Variants in POLH observed in about 807,000 individuals in gnomAD.
The protein encoded by POLH is DNA polymerase eta, also known as DNA polymerase eta transcript.
POLH carries 53 observed loss-of-function variants against 73.6 expected under a neutral mutation model. That is an observed-to-expected ratio of 0.72 (90% CI 0.58 to 0.91). POLH has a LOEUF of 0.91. Among genes scored for constraint, POLH ranks in the 40% least tolerant of loss-of-function variants. POLH has a pLI of 0.00. For missense variants in POLH, 768 were observed against 865.4 expected (o/e 0.89, Z 1.41); for synonymous variants, 292 against 308.5 (o/e 0.95, Z 0.56).
Position 43,614,360 on chromosome 6 carries a change from G to A in POLH, c.1945G>A (p.Glu649Lys). The A allele has an allele frequency of 6.2e-7, 1 of 1,613,450 alleles. No homozygotes were observed. The highest frequency in any genetic ancestry group is 8.5e-7 in the Non-Finnish European group (1 of 1,179,398). ...GSLVPVWDMP[E>K]HMDYHFALEL... is the part of the protein sequence containing the mutation. ...CCTGGTACCGGTATGGGATATGCCA[G>A]AACACATGGACTATCATTTTGCATT... The change falls in exon 11 of 11, where the codon GAA becomes AAA. Residue 649 changes from glutamate to lysine, a missense_variant. Coordinates refer to ENST00000372236, the MANE Select transcript of POLH (RefSeq NM_006502.3).
chr6:43,580,851 G>T (rs1327699093), intron 1 of POLH, among the ~76,000 whole-genome samples: 4 of 142,870 alleles, frequency 2.8e-5, no homozygotes, highest in Non-Finnish European at 4.6e-5. Flanking sequence ...GGGCAGAGGC[G>T]CCCCTCACCT....
rs760976760 is a variant in POLH at position 43,613,755 on chromosome 6, A to G, written c.1340A>G (p.Asp447Gly). The change falls in exon 11 of 11, where the codon GAC becomes GGC. Residue 447 changes from aspartate to glycine, a missense_variant. Transcript: ENST00000372236. Reference sequence around the variant, plus strand: ...GACATCACCAGCTTCTTGAGCAGTGACCCAAGTTCTCTGCCAAAGGTGCCA... The same window carrying G: ...GACATCACCAGCTTCTTGAGCAGTGGCCCAAGTTCTCTGCCAAAGGTGCCA... Reference protein sequence around the residue: ...STDITSFLSSDPSSLPKVPVT... With the variant: ...STDITSFLSSGPSSLPKVPVT... The G allele has an allele frequency of 6.2e-7, 1 of 1,613,588 alleles. No individual in the cohort carries two copies. Among genetic ancestry groups the G allele is most frequent in the Non-Finnish European group, 8.5e-7 (1 of 1,179,866 alleles).
intron 3 of POLH, 78 bp downstream of exon 3, chr6:43,583,219 A>C: frequency 7.5e-7 from 1 of 1,334,122 alleles, no homozygotes; most frequent in Non-Finnish European, 1.1e-6. Context: ...TGGTGTTTTG[A>C]ATTTGTTCCA....
rs145050695 is a variant in POLH, at chr6:43,613,906, G to A, written c.1491G>A (p.Ser497=). The A allele has an allele frequency of 3.0e-5, 48 of 1,613,804 alleles. No individual in the cohort carries two copies. In the East Asian group the frequency reaches 7.4e-4, roughly 25 times the overall value. The change falls in exon 11 of 11, where the codon TCG becomes TCA. Residue 497 remains serine, a synonymous_variant. Coordinates refer to ENST00000372236, the MANE Select transcript of POLH (RefSeq NM_006502.3). ...AAAGGCAGAAAGTTAAAGAAGCTTC[G>A]CTTTCATCTCTTACTGCTCCCACTC... The part of the protein sequence containing the change: ...AAERQKVKEA[S]LSSLTAPTQA...
chr6:43,597,930 G>T, intron 5 of POLH, 65 bp downstream of exon 5: 1 of 1,384,594 alleles, frequency 7.2e-7, no homozygotes, highest in Admixed American at 1.7e-5. Flanking sequence ...AGTAGGGACA[G>T]TGGGACATTG....
chr6:43,613,619 T>C, intron 10 of POLH, 41 bp from the exon 11 acceptor site: 1 of 1,511,938 alleles, frequency 6.6e-7, no homozygotes, highest in Non-Finnish European at 9.2e-7. Flanking sequence ...ATTTTAATCT[T>C]CTAAATTGCT....
intron 5 of POLH, among the ~76,000 whole-genome samples, chr6:43,600,139 CAA>C (rs1268557002): frequency 1.3e-5 from 2 of 149,224 alleles, no homozygotes; most frequent in African/African-American, 4.9e-5. Context: ...GGCTGGGCAA[CAA>C]GAGTGAAACT....
chr6:43,613,602 G>C, intron 10 of POLH, 58 bp from the exon 11 acceptor site: 1 of 1,327,924 alleles, frequency 7.5e-7, no homozygotes, highest in Non-Finnish European at 1.1e-6. Flanking sequence ...ATTAGCAATA[G>C]GTCACTATTT....
rs1767190874 is a variant in POLH, at chr6:43,605,528, A to C, written c.1074+209A>C. 2.5e-5 allele frequency: 13 copies of C among 515,588 alleles called. No individual in the cohort carries two copies. The East Asian group carries it at 4.2e-4, about 17-fold the overall frequency. 31.9% of individuals were successfully genotyped at this position (515,588 alleles called of 1,614,324 possible). A position where few individuals can be genotyped will look rare whatever the true frequency, so the allele number is the denominator to read the frequency against. Reference sequence around the variant, plus strand: ...CACTGGCACAATCATGGCTCACTGCAACCTCTACCTCTTAGGCTCAAGCTC... The same window carrying C: ...CACTGGCACAATCATGGCTCACTGCCACCTCTACCTCTTAGGCTCAAGCTC... On this transcript the variant is annotated intron_variant, in intron 9 of 10. Transcript: ENST00000372236.
chr6:43,582,525 G>C, intron 2 of POLH, 69 bp downstream of exon 2: 2 of 1,505,114 alleles, frequency 1.3e-6, no homozygotes, highest in Non-Finnish European at 1.8e-6. Context: ...GTCCTTTGTT[G>C]TTGTGGTGGT....
At chr6:43,606,169 AAGT>A (rs1249041405) in intron 9 of POLH, among the ~76,000 whole-genome samples, 1 of 152,088 alleles carries the variant, frequency 6.6e-6, no homozygotes, top group African/African-American at 2.4e-5. Context: ...AAAAAAAAAA[AAGT>A]AGTTAAAATC....
intron 6 of POLH, among the ~76,000 whole-genome samples, chr6:43,601,426 T>G (rs1051235337): frequency 2.0e-5 from 3 of 152,068 alleles, no homozygotes; most frequent in African/African-American, 7.2e-5. Flanking sequence ...CCACCACGCC[T>G]GGCTAATTTT....
chr6:43,600,343 G>A (rs1024464752), intron 5 of POLH, among the ~76,000 whole-genome samples: 2 of 151,970 alleles, frequency 1.3e-5, no homozygotes, highest in Admixed American at 6.6e-5. Context: ...GTGTGAACCC[G>A]GTGCGGGGGC....
Position 43,617,360 on chromosome 6 carries a change from C to T in POLH, c.*2803C>T, listed in dbSNP as rs1452405143. Among the ~76,000 whole-genome samples the T allele has an allele frequency of 6.6e-6, 1 of 151,688 alleles. No individual in the cohort carries two copies. Among genetic ancestry groups the T allele is most frequent in the Non-Finnish European group, 1.5e-5 (1 of 67,928 alleles). On this transcript the variant is annotated 3_prime_UTR_variant, in exon 11 of 11. Coordinates refer to ENST00000372236, the MANE Select transcript of POLH (RefSeq NM_006502.3). ...TCCCAATGTGGGTCAGGTGTGGTGG[C>T]TCATGCCTGTAATCCCACACTTTGG...
chr6:43,580,899 C>A (rs1764059215), intron 1 of POLH, among the ~76,000 whole-genome samples: 2 of 150,840 alleles, frequency 1.3e-5, no homozygotes, highest in South Asian at 2.1e-4. Flanking sequence ...GGGCTGACCC[C>A]CCCACCTCCC....
Position 43,619,991 on chromosome 6 carries a change from A to T in POLH, c.*5434A>T, listed in dbSNP as rs906395617. The T allele has an allele frequency of 8.9e-5, 23 of 258,978 alleles. No individual in the cohort carries two copies. The highest frequency in any genetic ancestry group is 5.0e-4 in the African/African-American group (21 of 42,404). The allele number at this position is 258,978 out of a possible 1,614,324, so 16.0% of individuals were successfully genotyped here. A position where few individuals can be genotyped will look rare whatever the true frequency, so the allele number is the denominator to read the frequency against. ...AGTTGACTTTGGCCCCTATTTACCCATAAAATGTCAAAATCAAGTAGTATG... is the reference window on the plus strand; with the variant it reads ...AGTTGACTTTGGCCCCTATTTACCCTTAAAATGTCAAAATCAAGTAGTATG... On this transcript the variant is annotated 3_prime_UTR_variant, in exon 11 of 11. Coordinates refer to ENST00000372236, the MANE Select transcript of POLH (RefSeq NM_006502.3).
intron 5 of POLH, among the ~76,000 whole-genome samples, chr6:43,599,435 A>G (rs1040874819): frequency 6.6e-6 from 1 of 152,236 alleles, no homozygotes; most frequent in African/African-American, 2.4e-5. Context: ...TAGGGTACAC[A>G]GACAATTCTC....
chr6:43,600,512 A>C (rs1038888032), intron 5 of POLH, among the ~76,000 whole-genome samples: 4 of 152,220 alleles, frequency 2.6e-5, no homozygotes, highest in African/African-American at 9.6e-5. Flanking sequence ...TTTTGAGCCC[A>C]ATCTCTATAA....
chr6:43,610,561 G>T lies in POLH; in HGVS notation c.1082G>T (p.Arg361Met). ...CATCCTTTCCACCCACAGAATGACA[G>T]GGTAGCCACCCAGCTGGTTGTGAGC... ...RLTKDRNDND[R>M]VATQLVVSIR... Residue 361 changes from arginine (R) to methionine (M), a missense_variant, in exon 10 of 11, where the codon AGG (arginine) becomes ATG (methionine). Coordinates refer to ENST00000372236, the MANE Select transcript of POLH (RefSeq NM_006502.3). The T allele has an allele frequency of 4.3e-6, 7 of 1,613,960 alleles. No homozygotes were observed. The highest frequency in any genetic ancestry group is 5.9e-6 in the Non-Finnish European group (7 of 1,179,904).
Sources: gnomAD v4.1 joint callset for allele counts (sites outside exome capture counted in the v4.1 genomes callset) on GRCh38, gnomAD v4.1.1 for gene constraint, MANE v1.5 for transcripts, NCBI Gene and HGNC (gene_info 2026-07-23, HGNC 2026-07-21) for gene names.